Variants in GTF2F2 observed in about 807,000 individuals in gnomAD.
The protein encoded by GTF2F2 is ATP-dependent helicase GTF2F2.
Under a neutral mutation model 42.2 loss-of-function variants are expected in GTF2F2, and 23 were observed. The observed-to-expected ratio is 0.55, with a 90% CI of 0.39 to 0.77. The LOEUF is 0.77. GTF2F2 is among the 30% of genes least tolerant of loss of function. The pLI is 0.00. For missense variants in GTF2F2, 261 were observed against 287.2 expected, an observed-to-expected ratio of 0.91 and a Z score of 0.66; for synonymous variants, 105 against 100.8, an observed-to-expected ratio of 1.04 and a Z score of -0.25.
chr13:45,215,803 C>G (rs1207329366), intron 5 of GTF2F2, among the ~76,000 whole-genome samples: 5 of 151,730 alleles, frequency 3.3e-5, no homozygotes, highest in Non-Finnish European at 7.4e-5. Flanking sequence ...AGAAAGACTC[C>G]TTAGGGAAAC....
intron 5 of GTF2F2, among the ~76,000 whole-genome samples, chr13:45,212,455 C>CTTTCTTTTCT (rs71184403): frequency 0.23 from 22,035 of 96,294 alleles, 3,448 homozygotes; most frequent in Middle Eastern, 0.25. Context: ...TTGTTTCTTT[C>CTTTCTTTTCT]TTTCTTTCTT....
chr13:45,262,721 A>T (rs1276836702), intron 6 of GTF2F2, among the ~76,000 whole-genome samples: 1 of 151,880 alleles, frequency 6.6e-6, no homozygotes, highest in East Asian at 1.9e-4. Flanking sequence ...GCCCGGCCTA[A>T]TCTTTATTTT....
At chr13:45,151,447 A>G (rs1870488471) in intron 3 of GTF2F2, among the ~76,000 whole-genome samples, 2 of 151,864 alleles carry the variant, frequency 1.3e-5, no homozygotes, top group Admixed American at 6.6e-5. Context: ...ACAGCCTGGA[A>G]CTCCTGGCCC....
At chr13:45,230,694 A>C (rs2138217934) in intron 5 of GTF2F2, among the ~76,000 whole-genome samples, 1 of 152,356 alleles carries the variant, frequency 6.6e-6, no homozygotes, top group East Asian at 1.9e-4. Context: ...GTTATACATA[A>C]CTAGCTACAT....
At chr13:45,179,974 G>T (rs188219664) in intron 4 of GTF2F2, among the ~76,000 whole-genome samples, 69 of 152,028 alleles carry the variant, frequency 4.5e-4, no homozygotes, top group South Asian at 8.3e-4. Flanking sequence ...AGATGTGGGT[G>T]AAGAATTAAA....
At chr13:45,243,997 C>T (rs75241316) in intron 5 of GTF2F2, among the ~76,000 whole-genome samples, 4,370 of 152,322 alleles carry the variant, frequency 0.029, 191 homozygotes, top group African/African-American at 0.093. Context: ...TTTCTATCCA[C>T]AGTTGGTTGA....
intron 5 of GTF2F2, among the ~76,000 whole-genome samples, chr13:45,208,039 G>T (rs1203234678): frequency 2.6e-5 from 4 of 151,716 alleles, no homozygotes; most frequent in Non-Finnish European, 5.9e-5. Context: ...TGTGAGGATT[G>T]CTTGGGCCTG....
chr13:45,252,761 T>C, intron 5 of GTF2F2, 110 bp from the exon 6 acceptor site: 1 of 606,596 alleles, frequency 1.6e-6, no homozygotes, highest in Non-Finnish European at 2.9e-6. Flanking sequence ...TCCTCTGAGG[T>C]TACCTTTTTA....
At chr13:45,272,611 G>T (rs1307785327) in intron 7 of GTF2F2, among the ~76,000 whole-genome samples, 1 of 151,348 alleles carries the variant, frequency 6.6e-6, no homozygotes, top group African/African-American at 2.4e-5. Flanking sequence ...GGGAGTGGTG[G>T]TGCACACCTG....
chr13:45,180,112 T>C lies in GTF2F2; in HGVS notation c.305-27312T>C, dbSNP rs994672419. ...AAAATAACGTCTCATTTTTACTTAGTTGTGTTATCACTTCATCAAGGCTGT... is the reference window on the plus strand; with the variant it reads ...AAAATAACGTCTCATTTTTACTTAGCTGTGTTATCACTTCATCAAGGCTGT... On this transcript the variant is annotated intron_variant, in intron 4 of 7. Coordinates refer to ENST00000340473, the MANE Select transcript of GTF2F2 (RefSeq NM_004128.3). Among the ~76,000 whole-genome samples, 5 of 152,342 alleles carry C rather than the reference T, an allele frequency of 3.3e-5. No individual in the cohort carries two copies. In the East Asian group the frequency reaches 9.6e-4, roughly 29 times the overall value.
intron 5 of GTF2F2, among the ~76,000 whole-genome samples, chr13:45,220,275 A>G (rs1337413759): frequency 6.6e-6 from 1 of 152,192 alleles, no homozygotes; most frequent in Non-Finnish European, 1.5e-5. Flanking sequence ...TCATAGCTTC[A>G]GAGTGCCATT....
At chr13:45,265,056 C>G (rs1876507140) in intron 6 of GTF2F2, among the ~76,000 whole-genome samples, 1 of 152,052 alleles carries the variant, frequency 6.6e-6, no homozygotes, top group Non-Finnish European at 1.5e-5. Context: ...GTTAGGAGTT[C>G]GAGACCAGCC....
chr13:45,226,555 T>G (rs1271175434), intron 5 of GTF2F2, among the ~76,000 whole-genome samples: 1 of 152,214 alleles, frequency 6.6e-6, no homozygotes, highest in Non-Finnish European at 1.5e-5. Context: ...TGCCTTAGAA[T>G]ATTATATTCC....
intron 4 of GTF2F2, among the ~76,000 whole-genome samples, chr13:45,203,605 A>G (rs1873301390): frequency 6.6e-6 from 1 of 152,082 alleles, no homozygotes; most frequent in African/African-American, 2.4e-5. Context: ...ACACCCCCCA[A>G]ACTCCCCTCA....
chr13:45,140,472 C>T (rs1269363127), intron 2 of GTF2F2, among the ~76,000 whole-genome samples: 1 of 152,150 alleles, frequency 6.6e-6, no homozygotes, highest in Non-Finnish European at 1.5e-5. Flanking sequence ...GTACAAGTCA[C>T]TGAATCTTCT....
Position 45,126,697 on chromosome 13 carries a change from T to C in GTF2F2, c.66+5976T>C, listed in dbSNP as rs116385857. ...TATATACTGTGTAAACTACGACTTA[T>C]AGCCCAGTATAGGAGACAGACATCA... On this transcript the variant is annotated intron_variant, in intron 1 of 7. Coordinates refer to ENST00000340473, the MANE Select transcript of GTF2F2 (RefSeq NM_004128.3). 1.8e-3 allele frequency among the ~76,000 whole-genome samples: 272 copies of C among 152,322 alleles called. 1 individual carries two copies. The highest frequency in any genetic ancestry group is 6.1e-3 in the African/African-American group (253 of 41,588).
At chr13:45,278,487 C>T (rs1242269588) in intron 7 of GTF2F2, among the ~76,000 whole-genome samples, 2 of 152,162 alleles carry the variant, frequency 1.3e-5, no homozygotes, top group Non-Finnish European at 2.9e-5. Context: ...CAGCTTGGCA[C>T]ATAGTCTGTA....
At chr13:45,182,185 C>T (rs914521021) in intron 4 of GTF2F2, among the ~76,000 whole-genome samples, 1 of 152,138 alleles carries the variant, frequency 6.6e-6, no homozygotes, top group Non-Finnish European at 1.5e-5. Context: ...CAGTCTCGCT[C>T]TGTTGCCCAG....
chr13:45,178,460 T>C (rs1156524474), intron 4 of GTF2F2, among the ~76,000 whole-genome samples: 1 of 151,644 alleles, frequency 6.6e-6, no homozygotes, highest in Non-Finnish European at 1.5e-5. Flanking sequence ...CCAGTTGTTT[T>C]ATAGTGTGTA....
Sources: allele counts gnomAD v4.1 joint callset (sites outside exome capture counted in the v4.1 genomes callset), GRCh38; gene constraint gnomAD v4.1.1; transcripts MANE v1.5; gene names NCBI Gene and HGNC (gene_info 2026-07-23, HGNC 2026-07-21).